Variants in KCNH8 observed in about 807,000 individuals in gnomAD.
KCNH8 encodes the protein potassium voltage-gated channel subfamily H member 8, also known as voltage-gated delayed rectifier potassium channel KCNH8.
In KCNH8, 70 loss-of-function variants were observed where a neutral mutation model predicts 103.6. The observed-to-expected ratio is 0.68, with a 90% CI of 0.56 to 0.82. The LOEUF is 0.82. Ranked by LOEUF, KCNH8 falls within the 40% of genes least tolerant of loss-of-function variation. The pLI is 0.00. For missense variants in KCNH8, 1,217 were observed against 1,329.9 expected, an observed-to-expected ratio of 0.92 and a Z score of 1.32; for synonymous variants, 498 against 489.4, an observed-to-expected ratio of 1.02 and a Z score of -0.23.
At position 19,281,218 on chromosome 3, in the gene KCNH8, C is replaced by A. The variant is rs748525893; in HGVS notation, c.331C>A (p.Leu111Met). ...TGCAGGGTCTCCATTTTGGTGCCTA[C>A]TGGATATTGTTCCCATAAAGAATGA... The part of the protein sequence containing the change: ...KKNGSPFWCL[L>M]DIVPIKNEKG... Residue 111 changes from leucine to methionine, a missense_variant, in exon 3 of 16, where the codon CTG (leucine) becomes ATG (methionine). Physicochemically the swap from Leu to Met is conservative, Grantham distance 15 (BLOSUM62 2). This residue lies in a region of KCNH8 where 244 missense variants were observed against 256.8 expected (regional missense o/e 0.95). Transcript: ENST00000328405. 14 of 1,610,572 alleles carry A rather than the reference C, an allele frequency of 8.7e-6. No individual in the cohort carries two copies. The highest frequency in any genetic ancestry group is 1.1e-5 in the Non-Finnish European group (13 of 1,178,138).
intron 8 of KCNH8, chr3:19,448,886 A>T: frequency 1.3e-6 from 1 of 750,312 alleles, no homozygotes; most frequent in Non-Finnish European, 2.0e-6. Context: ...GAGTTGAATT[A>T]TCCATAAATA....
At chr3:19,408,878 T>C (rs982673443) in intron 7 of KCNH8, among the ~76,000 whole-genome samples, 2 of 151,990 alleles carry the variant, frequency 1.3e-5, no homozygotes, top group African/African-American at 4.8e-5. Flanking sequence ...TGTAAACTGA[T>C]CAAACCTACA....
intron 7 of KCNH8, among the ~76,000 whole-genome samples, chr3:19,409,450 A>T (rs1291633166): frequency 1.3e-5 from 2 of 152,126 alleles, no homozygotes; most frequent in African/African-American, 2.4e-5. Flanking sequence ...CATAAAGCAA[A>T]AATACAATAG....
chr3:19,234,777 G>C (rs1037567944), intron 1 of KCNH8, among the ~76,000 whole-genome samples: 1 of 152,258 alleles, frequency 6.6e-6, no homozygotes, highest in Non-Finnish European at 1.5e-5. Context: ...AGAGAGGGCC[G>C]TGAGCACTGC....
chr3:19,421,379 A>G (rs961029749), intron 7 of KCNH8, among the ~76,000 whole-genome samples: 6 of 152,060 alleles, frequency 3.9e-5, no homozygotes, highest in Non-Finnish European at 8.8e-5. Context: ...GGACATTTCT[A>G]TTGTGTGTTT....
At chr3:19,276,152 C>T (rs1382622203) in intron 2 of KCNH8, among the ~76,000 whole-genome samples, 1 of 149,744 alleles carries the variant, frequency 6.7e-6, no homozygotes, top group Non-Finnish European at 1.5e-5. Context: ...CAGCTCTTTC[C>T]CCACTCCCAC....
intron 2 of KCNH8, among the ~76,000 whole-genome samples, chr3:19,273,211 G>A (rs1039159346): frequency 6.6e-6 from 1 of 152,114 alleles, no homozygotes; most frequent in African/African-American, 2.4e-5. Flanking sequence ...AATTAGAGAG[G>A]GTTAACTTAA....
rs202115249 is a variant in KCNH8 at position 19,253,693 on chromosome 3, G to C, written c.116G>C (p.Gly39Ala). The C allele has an allele frequency of 7.4e-6, 12 of 1,613,664 alleles. No individual in the cohort carries two copies. Among genetic ancestry groups the C allele is most frequent in the Non-Finnish European group, 1.0e-5 (12 of 1,179,884 alleles). ...FILANAQVAK[G>A]FPIVYCSDGF... ...CTTGCCAATGCCCAGGTGGCTAAGG[G>C]TTTCCCCATAGTCTACTGTTCCGAT... Residue 39 changes from glycine to alanine, a missense_variant, in exon 2 of 16, where the codon GGT (glycine) becomes GCT (alanine). Physicochemically the swap from Gly to Ala is moderately conservative, Grantham distance 60. Around this residue, in one of 3 missense-constraint regions of KCNH8, gnomAD observed 244 missense variants for 256.8 expected, o/e 0.95. Transcript: ENST00000328405.
chr3:19,340,766 A>G (rs927757849), intron 3 of KCNH8, among the ~76,000 whole-genome samples: 2 of 152,138 alleles, frequency 1.3e-5, no homozygotes, highest in South Asian at 2.1e-4. Context: ...ATGTCTAGAC[A>G]CCAGAAATAG....
chr3:19,315,595 G>T (rs569807665), intron 3 of KCNH8, among the ~76,000 whole-genome samples: 1 of 152,008 alleles, frequency 6.6e-6, no homozygotes, highest in East Asian at 1.9e-4. Flanking sequence ...GATCTATTTA[G>T]ATGACCTTAA....
At chr3:19,453,413 T>C (rs2067479687) in intron 10 of KCNH8, among the ~76,000 whole-genome samples, 1 of 152,166 alleles carries the variant, frequency 6.6e-6, no homozygotes, top group Non-Finnish European at 1.5e-5. Context: ...GGATTCTGGC[T>C]ACTAAGCTTC....
intron 8 of KCNH8, among the ~76,000 whole-genome samples, chr3:19,448,573 A>G (rs2067396597): frequency 6.6e-6 from 1 of 152,030 alleles, no homozygotes; most frequent in Non-Finnish European, 1.5e-5. Context: ...ATGTAGGGGG[A>G]GAACAAGATT....
intron 3 of KCNH8, among the ~76,000 whole-genome samples, chr3:19,326,479 A>T (rs1202072773): frequency 1.3e-5 from 2 of 151,542 alleles, no homozygotes; most frequent in African/African-American, 2.4e-5. Flanking sequence ...TGTCTCTGGT[A>T]CTTTTTAAAC....
intron 1 of KCNH8, among the ~76,000 whole-genome samples, chr3:19,153,203 T>C (rs1240143936): frequency 2.0e-5 from 3 of 152,188 alleles, no homozygotes; most frequent in Non-Finnish European, 4.4e-5. Context: ...ATTACAGGAA[T>C]TGGATTTATG....
At chr3:19,303,819 G>A (rs983260051) in intron 3 of KCNH8, among the ~76,000 whole-genome samples, 14 of 152,140 alleles carry the variant, frequency 9.2e-5, no homozygotes, top group African/African-American at 3.4e-4. Context: ...TTGTAGGCAA[G>A]CTGACCTTAC....
At chr3:19,532,551 T>C (rs565310611) in intron 15 of KCNH8, among the ~76,000 whole-genome samples, 1 of 152,322 alleles carries the variant, frequency 6.6e-6, no homozygotes, top group South Asian at 2.1e-4. Context: ...GAGTGAGACC[T>C]ACCATTCACT....
chr3:19,275,987 G>A (rs551871546), intron 2 of KCNH8, among the ~76,000 whole-genome samples: 2 of 152,038 alleles, frequency 1.3e-5, no homozygotes, highest in African/African-American at 2.4e-5. Flanking sequence ...GACTGAAACC[G>A]AACAAAACAG....
chr3:19,320,441 G>A (rs1467697230), intron 3 of KCNH8, among the ~76,000 whole-genome samples: 1 of 151,804 alleles, frequency 6.6e-6, no homozygotes, highest in Non-Finnish European at 1.5e-5. Flanking sequence ...TTTTAATTCT[G>A]TTTATGTGGT....
chr3:19,390,748 C>A, intron 6 of KCNH8, 110 bp downstream of exon 6: 1 of 1,035,536 alleles, frequency 9.7e-7, no homozygotes, highest in Non-Finnish European at 1.4e-6. Context: ...GTGCCTTCTT[C>A]AATAAAGATG....
Sources: allele counts gnomAD v4.1 joint callset (sites outside exome capture counted in the v4.1 genomes callset), GRCh38; gene constraint gnomAD v4.1.1; regional missense constraint gnomAD v4.1.1; transcripts MANE v1.5; gene names NCBI Gene and HGNC (gene_info 2026-07-23, HGNC 2026-07-21).